Variants in NEO1 observed in about 807,000 individuals in gnomAD.
NEO1 encodes neogenin.
Under a neutral mutation model 159.7 loss-of-function variants are expected in NEO1, and 63 were observed. The ratio of observed to expected loss-of-function variants is 0.39; its 90% CI spans 0.32 to 0.49. The LOEUF (loss-of-function observed/expected upper bound fraction) is 0.49. NEO1 is among the 20% of genes least tolerant of loss of function. The pLI is 0.85. For missense variants in NEO1, 1,615 were observed against 1,831.0 expected (o/e 0.88, Z 2.15); for synonymous variants, 633 against 662.0 (o/e 0.96, Z 0.67).
Position 73,117,253 on chromosome 15 carries a change from G to T in NEO1, c.448+396G>T, listed in dbSNP as rs577684137. Among the ~76,000 whole-genome samples the T allele has an allele frequency of 3.3e-5, 5 of 152,270 alleles. No homozygotes were observed. The South Asian group carries it at 1.0e-3, about 32-fold the overall frequency. ...AGTAAAGTCAGAATCCTGGTTCCTT[G>T]ATGCCTTAACCAAGGAAATGACATT... On this transcript the variant is annotated intron_variant, in intron 2 of 28. Coordinates refer to ENST00000261908, the MANE Select transcript of NEO1 (RefSeq NM_002499.4).
Position 73,304,385 on chromosome 15 carries a change from A to T in NEO1, c.*1689A>T, listed in dbSNP as rs931563813. 1.3e-5 allele frequency: 2 copies of T among 152,184 alleles called. No homozygotes were observed. Among genetic ancestry groups the T allele is most frequent in the Non-Finnish European group, 2.9e-5 (2 of 68,060 alleles). The allele number at this position is 152,184 out of a possible 1,614,324, so 9.4% of individuals were successfully genotyped here. On this transcript the variant is annotated 3_prime_UTR_variant, in exon 29 of 29. Coordinates refer to ENST00000261908, the MANE Select transcript of NEO1 (RefSeq NM_002499.4). ...GCGTGGAAGGCAGTGTAGACAGTAA[A>T]TCGGGCTTCAGTTCTATAGCCAAGA...
chr15:73,065,059 C>G (rs1403696506), intron 1 of NEO1, among the ~76,000 whole-genome samples: 1 of 151,920 alleles, frequency 6.6e-6, no homozygotes, highest in East Asian at 1.9e-4. Context: ...CTAAATGCAT[C>G]TTTAACTTGT....
intron 1 of NEO1, among the ~76,000 whole-genome samples, chr15:73,093,665 C>G (rs1161590145): frequency 1.3e-5 from 2 of 152,100 alleles, no homozygotes; most frequent in East Asian, 3.9e-4. Context: ...CCTCTGCCTC[C>G]CAGGCTCAGG....
chr15:73,266,479 G>A (rs2040904455), intron 16 of NEO1, 68 bp downstream of exon 16: 7 of 1,192,822 alleles, frequency 5.9e-6, no homozygotes, highest in African/African-American at 1.5e-5. Flanking sequence ...ATTGGCATGA[G>A]GCCTATCCCA....
chr15:73,113,267 A>T (rs1474319496), intron 1 of NEO1, among the ~76,000 whole-genome samples: 1 of 152,018 alleles, frequency 6.6e-6, no homozygotes, highest in Non-Finnish European at 1.5e-5. Flanking sequence ...TGTGGAAAGG[A>T]GTGATACTAA....
chr15:73,217,302 T>G (rs1335530654), intron 7 of NEO1, among the ~76,000 whole-genome samples: 1 of 150,422 alleles, frequency 6.6e-6, no homozygotes, highest in Non-Finnish European at 1.5e-5. Context: ...TCTGTTTTGG[T>G]ACCAGTACCA....
At chr15:73,150,902 G>C (rs972209468) in intron 5 of NEO1, among the ~76,000 whole-genome samples, 2 of 152,184 alleles carry the variant, frequency 1.3e-5, no homozygotes, top group African/African-American at 4.8e-5. Context: ...TGTTGTCTGT[G>C]TTTGTTTGTT....
At chr15:73,113,368 A>T (rs988538588) in intron 1 of NEO1, among the ~76,000 whole-genome samples, 1 of 152,172 alleles carries the variant, frequency 6.6e-6, no homozygotes, top group African/African-American at 2.4e-5. Context: ...TAATCTAAAG[A>T]TTAGTGCCAT....
At chr15:73,194,845 T>G (rs1229256686) in intron 7 of NEO1, among the ~76,000 whole-genome samples, 3 of 152,232 alleles carry the variant, frequency 2.0e-5, no homozygotes, top group African/African-American at 7.2e-5. Context: ...TTACACTAAT[T>G]AAAAGTAGAG....
At chr15:73,160,067 G>C (rs2151880072) in intron 5 of NEO1, among the ~76,000 whole-genome samples, 1 of 152,122 alleles carries the variant, frequency 6.6e-6, no homozygotes, top group East Asian at 1.9e-4. Context: ...GTTGGAACTT[G>C]TATATATTAG....
chr15:73,131,934 AT>A (rs1414806044), intron 4 of NEO1, among the ~76,000 whole-genome samples: 1 of 152,026 alleles, frequency 6.6e-6, no homozygotes, highest in Non-Finnish European at 1.5e-5. Context: ...TTTCTGAAAT[AT>A]TTTTCGCACC....
intron 4 of NEO1, among the ~76,000 whole-genome samples, chr15:73,131,268 G>A (rs1333224746): frequency 6.6e-6 from 1 of 152,190 alleles, no homozygotes; most frequent in Non-Finnish European, 1.5e-5. Context: ...GACAAAGATT[G>A]TAAAGCAGTC....
At chr15:73,263,321 GT>G (rs1424186887) in intron 15 of NEO1, among the ~76,000 whole-genome samples, 1 of 151,646 alleles carries the variant, frequency 6.6e-6, no homozygotes, top group African/African-American at 2.4e-5. Flanking sequence ...AACCTCCTGA[GT>G]AGCTGGGATT....
chr15:73,153,697 G>T (rs532663239), intron 5 of NEO1, among the ~76,000 whole-genome samples: 122 of 152,242 alleles, frequency 8.0e-4, no homozygotes, highest in Non-Finnish European at 1.5e-3. Context: ...TTATATTATT[G>T]AGGGTCTAAA....
Position 73,298,441 on chromosome 15 carries a change from G to A in NEO1, c.3995G>A (p.Ser1332Asn), listed in dbSNP as rs2042464987. Reference protein sequence around the residue: ...TDHQDPEGATSSSYLASSQEE... With the variant: ...TDHQDPEGATNSSYLASSQEE... Reference sequence around the variant, plus strand: ...CACCAGGACCCTGAAGGTGCTACCAGCTCCTCTTACTTGGCCAGCTCCCAA... The same window carrying A: ...CACCAGGACCCTGAAGGTGCTACCAACTCCTCTTACTTGGCCAGCTCCCAA... The change falls in exon 27 of 29, where the codon AGC (serine) becomes AAC (asparagine). Residue 1332 changes from serine to asparagine, a missense_variant. By Grantham distance (46) the Ser-to-Asn change is conservative. Around this residue, in one of 3 missense-constraint regions of NEO1, gnomAD observed 471 missense variants for 498.9 expected, o/e 0.94. Transcript: ENST00000261908. 5.0e-6 allele frequency: 8 copies of A among 1,614,072 alleles called. No homozygotes were observed. The highest frequency in any genetic ancestry group is 6.8e-6 in the Non-Finnish European group (8 of 1,180,038).
chr15:73,131,080 C>T (rs1235484448), intron 4 of NEO1, among the ~76,000 whole-genome samples: 1 of 152,172 alleles, frequency 6.6e-6, no homozygotes, highest in Non-Finnish European at 1.5e-5. Flanking sequence ...CCCACTTTCT[C>T]TGCTAGAGTG....
chr15:73,116,913 T>A, intron 2 of NEO1, 56 bp downstream of exon 2: 1 of 1,338,592 alleles, frequency 7.5e-7, no homozygotes, highest in Non-Finnish European at 1.0e-6. Context: ...ACATACATCT[T>A]GATAAAAGCA....
chr15:73,211,211 A>G (rs1019618672), intron 7 of NEO1, among the ~76,000 whole-genome samples: 1 of 152,220 alleles, frequency 6.6e-6, no homozygotes, highest in Non-Finnish European at 1.5e-5. Context: ...TAGACAAAAT[A>G]TATGGAATAC....
chr15:73,069,980 C>G (rs2068455561), intron 1 of NEO1, among the ~76,000 whole-genome samples: 1 of 152,106 alleles, frequency 6.6e-6, no homozygotes. Flanking sequence ...TGGGAAAAAG[C>G]AGGCAACTGT....
Sources: allele counts gnomAD v4.1 joint callset (sites outside exome capture counted in the v4.1 genomes callset), GRCh38; gene constraint gnomAD v4.1.1; regional missense constraint gnomAD v4.1.1; transcripts MANE v1.5; gene names NCBI Gene and HGNC (gene_info 2026-07-23, HGNC 2026-07-21).